SKI: variants seen among roughly 807,000 people sequenced by gnomAD.
The protein encoded by SKI is ski oncogene.
Under a neutral mutation model 59.3 loss-of-function variants are expected in SKI, and 23 were observed. The ratio of observed to expected loss-of-function variants is 0.39; its 90% confidence interval spans 0.28 to 0.55. SKI has a LOEUF of 0.55. Among genes scored for constraint, SKI ranks in the 20% least tolerant of loss-of-function variants. SKI has a pLI of 0.67. For missense variants in SKI, 1,017 were observed against 1,038.9 expected (o/e 0.98, Z 0.29); for synonymous variants, 673 against 488.6 (o/e 1.38, Z -4.98).
chr1:2,252,038 C>G (rs1030048314), intron 1 of SKI, among the ~76,000 whole-genome samples: 1 of 152,142 alleles, frequency 6.6e-6, no homozygotes. Context: ...TTTGCCAGTG[C>G]TCTGCACACC....
intron 1 of SKI, among the ~76,000 whole-genome samples, chr1:2,290,561 T>C (rs951569032): frequency 1.3e-5 from 2 of 151,992 alleles, no homozygotes; most frequent in Non-Finnish European, 2.9e-5. Context: ...CGTCAGAGCT[T>C]CTGACCTCAT....
intron 1 of SKI, among the ~76,000 whole-genome samples, chr1:2,255,540 T>C (rs746475275): frequency 5.3e-5 from 8 of 152,082 alleles, no homozygotes; most frequent in Non-Finnish European, 8.8e-5. Flanking sequence ...ATTTCCTGTC[T>C]GTGCCGCTCT....
At chr1:2,288,217 C>T (rs1021879522) in intron 1 of SKI, among the ~76,000 whole-genome samples, 6 of 152,120 alleles carry the variant, frequency 3.9e-5, no homozygotes, top group Non-Finnish European at 8.8e-5. Flanking sequence ...GAACTTCTGA[C>T]CTCAGGTGAT....
At chr1:2,241,951 G>A (rs1638887953) in intron 1 of SKI, among the ~76,000 whole-genome samples, 1 of 148,978 alleles carries the variant, frequency 6.7e-6, no homozygotes, top group Non-Finnish European at 1.5e-5. Context: ...ATGCCTGTCT[G>A]TGTGTGTGTG....
Position 2,267,414 on chromosome 1 carries a change from G to A in SKI, c.970-35564G>A, listed in dbSNP as rs538084274. On this transcript the variant is annotated intron_variant, in intron 1 of 6. Coordinates refer to ENST00000378536, the MANE Select transcript of SKI (RefSeq NM_003036.4). This position sits in a 1 kb window ranked among gnomAD's most constrained non-coding sequence, Gnocchi z 4.1. ...GTGTGTTGACAGGGCCGTTCGGGCCGGAGCAGGTGCGACAGGAATGTCCCA... is the reference window on the plus strand; with the variant it reads ...GTGTGTTGACAGGGCCGTTCGGGCCAGAGCAGGTGCGACAGGAATGTCCCA... 1.1e-4 allele frequency among the ~76,000 whole-genome samples: 16 copies of A among 152,198 alleles called. No homozygotes were observed. Among genetic ancestry groups the A allele is most frequent in the Non-Finnish European group, 1.9e-4 (13 of 68,036 alleles).
intron 1 of SKI, among the ~76,000 whole-genome samples, chr1:2,257,228 T>C (rs555143624): frequency 5.8e-4 from 88 of 152,392 alleles, no homozygotes; most frequent in African/African-American, 2.1e-3. Context: ...TTTGTCCTGC[T>C]GGTTTCCTCT....
At chr1:2,299,361 G>A (rs914019052) in intron 1 of SKI, among the ~76,000 whole-genome samples, 1 of 152,200 alleles carries the variant, frequency 6.6e-6, no homozygotes, top group Non-Finnish European at 1.5e-5. Context: ...TGGCCCAGCT[G>A]ACGACCCGGG....
chr1:2,263,861 C>T (rs2100842627), intron 1 of SKI, among the ~76,000 whole-genome samples: 2 of 124,770 alleles, frequency 1.6e-5, no homozygotes, highest in East Asian at 4.4e-4. Context: ...AGCAAGACTC[C>T]ATCTCAAAAA....
rs1640079071 is a variant in SKI at position 2,287,945 on chromosome 1, G to T, written c.970-15033G>T. ...GGCCCTGGCCTGGCACTCAAGGGCT[G>T]CTTTCAGGGCTGTTTCTCGTCTGTC... On this transcript the variant is annotated intron_variant, in intron 1 of 6. Transcript: ENST00000378536. Among the ~76,000 whole-genome samples, 3 of 152,110 alleles carry T rather than the reference G, an allele frequency of 2.0e-5. No individual in the cohort carries two copies. The South Asian group carries it at 6.2e-4, about 31-fold the overall frequency.
At chr1:2,244,109 G>A (rs540736390) in intron 1 of SKI, among the ~76,000 whole-genome samples, 97 of 152,154 alleles carry the variant, frequency 6.4e-4, no homozygotes, top group African/African-American at 2.2e-3. Context: ...GGGTCTACAG[G>A]TGCCCGCCAC....
intron 1 of SKI, among the ~76,000 whole-genome samples, chr1:2,285,248 C>G (rs1043206508): frequency 9.2e-5 from 14 of 152,128 alleles, no homozygotes; most frequent in African/African-American, 3.4e-4. Flanking sequence ...CGCAGTGGCT[C>G]ACACCTGGAA....
At chr1:2,300,987 T>C (rs1198291082) in intron 1 of SKI, among the ~76,000 whole-genome samples, 2 of 152,190 alleles carry the variant, frequency 1.3e-5, no homozygotes, top group African/African-American at 4.8e-5. Flanking sequence ...GGAGGTGGCC[T>C]GAGGCATCTG....
chr1:2,304,177 C>T (rs780900017), intron 4 of SKI, 75 bp downstream of exon 4: 32 of 1,588,576 alleles, frequency 2.0e-5, no homozygotes, highest in African/African-American at 6.7e-5. Flanking sequence ...GGCTGGTCGC[C>T]GGGGGTGCGT....
chr1:2,309,473 C>T lies in SKI; in HGVS notation c.*2708C>T, dbSNP rs1344311938. 2 of 152,080 alleles carry T rather than the reference C, an allele frequency of 1.3e-5. No individual in the cohort carries two copies. The highest frequency in any genetic ancestry group is 1.5e-5 in the Non-Finnish European group (1 of 67,990). The allele number at this position is 152,080 out of a possible 1,614,324, so 9.4% of individuals were successfully genotyped here. A position where few individuals can be genotyped will look rare whatever the true frequency, so the allele number is the denominator to read the frequency against. ...CACCTGTAAATACTTTTTCCTTTTT[C>T]ACCGTTGTATTATACATGTATATGC... On this transcript the variant is annotated 3_prime_UTR_variant, in exon 7 of 7. Transcript: ENST00000378536.
In SKI at chr1:2,306,272, G is replaced by A. The variant is rs543497062; in HGVS notation, c.1998+22G>A. On this transcript the variant is annotated intron_variant, in intron 6 of 6. Transcript: ENST00000378536. ...CCAGGTATGCGGGTGGGGAGACTGA[G>A]GCACGCAGCACGGTGGGCGTGGAGC... 11 of 1,535,112 alleles carry A rather than the reference G, an allele frequency of 7.2e-6. No individual in the cohort carries two copies. The East Asian group carries it at 1.7e-4, about 24-fold the overall frequency.
At chr1:2,306,493 C>G in intron 6 of SKI, 84 bp from the exon 7 acceptor site, 4 of 1,387,832 alleles carry the variant, frequency 2.9e-6, no homozygotes, top group Non-Finnish European at 3.9e-6. Context: ...CAGGGAGCGG[C>G]GCAGGAGCCT....
At position 2,273,073 on chromosome 1, in the gene SKI, C is replaced by T. The variant is rs776159239; in HGVS notation, c.970-29905C>T. Among the ~76,000 whole-genome samples, 7 of 152,356 alleles carry T rather than the reference C, an allele frequency of 4.6e-5. No homozygotes were observed. The South Asian group carries it at 1.4e-3, about 32-fold the overall frequency. On this transcript the variant is annotated intron_variant, in intron 1 of 6. Transcript: ENST00000378536. ...ACCTGCGTTCAGTGCAGATGCCACA[C>T]GGCTCTTCCTGAGATGGCTTCCGAG...
chr1:2,256,268 GCT>G (rs1211715912), intron 1 of SKI, among the ~76,000 whole-genome samples: 2 of 152,022 alleles, frequency 1.3e-5, no homozygotes, highest in African/African-American at 2.4e-5. Flanking sequence ...CCTGTCTGGA[GCT>G]CTCTGTGTCC....
intron 1 of SKI, among the ~76,000 whole-genome samples, chr1:2,260,535 C>CTTGTTTTTTTTTTTTTTTTTTTTTTT (rs1639362722): frequency 1.5e-5 from 1 of 67,820 alleles, no homozygotes; most frequent in Non-Finnish European, 2.6e-5. Context: ...TGTTCTTTTT[C>CTTGTTTTTTTTTTTTTTTTTTTTTTT]TTTTTTTTTT....
Sources: allele counts gnomAD v4.1 joint callset (sites outside exome capture counted in the v4.1 genomes callset), GRCh38; gene constraint gnomAD v4.1.1; non-coding constraint Gnocchi (gnomAD v3.1); transcripts MANE v1.5; gene names NCBI Gene and HGNC (gene_info 2026-07-23, HGNC 2026-07-21).